The following BIN1 variants were observed in gnomAD, a reference collection of about 807,000 sequenced individuals.
The protein encoded by BIN1 is myc box-dependent-interacting protein 1.
A neutral mutation model predicts 82.0 loss-of-function variants in BIN1; 53 were observed. The ratio of observed to expected loss-of-function variants is 0.65; its 90% CI spans 0.52 to 0.81. BIN1 has a LOEUF of 0.81. Ranked by LOEUF, BIN1 falls within the 40% of genes least tolerant of loss-of-function variation. The probability of loss-of-function intolerance (pLI) is 0.00; values close to 1 mark genes in which losing one functional copy is unlikely to be tolerated. For synonymous variants in BIN1, 302 were observed against 328.0 expected (o/e 0.92, Z 0.86); for missense variants, 642 against 784.4 (o/e 0.82, Z 2.17).
intron 14 of BIN1, 125 bp downstream of exon 14, chr2:127,053,279 CGTGAGCACGTGCCTGTGT>C: frequency 8.1e-7 from 1 of 1,232,324 alleles, no homozygotes; most frequent in South Asian, 1.3e-5. Flanking sequence ...GCTCCCTGTG[CGTGAGCACGTGCCTGTGT>C]GTCCTGCGTG....
intron 1 of BIN1, among the ~76,000 whole-genome samples, chr2:127,095,614 C>T (rs917507874): frequency 2.6e-5 from 4 of 152,180 alleles, no homozygotes; most frequent in Non-Finnish European, 5.9e-5. Context: ...CTCTTCTTAC[C>T]ACCTCCTTCC....
intron 7 of BIN1, among the ~76,000 whole-genome samples, chr2:127,064,395 A>G (rs377210882): frequency 2.6e-5 from 4 of 152,086 alleles, no homozygotes; most frequent in Non-Finnish European, 4.4e-5. Context: ...CACTTCCACA[A>G]TGAACCTCCT....
chr2:127,050,761 G>A (rs748813574), intron 17 of BIN1, 41 bp downstream of exon 17: 1 of 1,597,176 alleles, frequency 6.3e-7, no homozygotes, highest in Non-Finnish European at 8.6e-7. Flanking sequence ...CTGCCCACCA[G>A]GGCACCGAGG....
chr2:127,080,123 C>T (rs116659227), intron 1 of BIN1, among the ~76,000 whole-genome samples: 2,340 of 152,348 alleles, frequency 0.015, 22 homozygotes, highest in Non-Finnish European at 0.022. Context: ...CATGAGGGAA[C>T]GCAGGCAAGT....
Position 127,059,172 on chromosome 2 carries a change from G to T in BIN1, c.858-17C>A. On this transcript the variant is annotated splice_polypyrimidine_tract_variant and intron_variant, in intron 10 of 18. Transcript: ENST00000316724. The surrounding 1 kb of genome is among the most constrained non-coding windows in gnomAD (Gnocchi z 6.7). Reference sequence around the variant, plus strand: ...GCGTTGTCACTGTGGGGGAGGACAAGAAAGGGAGCCCAGTGTTGGGGGGCC... The same window carrying T: ...GCGTTGTCACTGTGGGGGAGGACAATAAAGGGAGCCCAGTGTTGGGGGGCC... The T allele has an allele frequency of 6.4e-7, 1 of 1,563,320 alleles. No individual in the cohort carries two copies. Among genetic ancestry groups the T allele is most frequent in the African/African-American group, 1.4e-5 (1 of 73,924 alleles).
chr2:127,076,733 A>G lies in BIN1; in HGVS notation c.85-27T>C, dbSNP rs1686663975. The G allele has an allele frequency of 2.5e-6, 4 of 1,613,318 alleles. No individual in the cohort carries two copies. In the African/African-American group the frequency reaches 4.0e-5, roughly 16 times the overall value. ...TGCCGAAGCCAAGAGAGAAGGGGAG[A>G]GTGTTACCTTGGAAAGGAGAGTGGT... On this transcript the variant is annotated intron_variant, in intron 1 of 18. Transcript: ENST00000316724.
intron 1 of BIN1, among the ~76,000 whole-genome samples, chr2:127,105,098 T>A (rs1680867633): frequency 6.6e-6 from 1 of 152,062 alleles, no homozygotes; most frequent in African/African-American, 2.4e-5. Flanking sequence ...CAGTGATACA[T>A]CACCACCTCC....
rs114068033 is a variant in BIN1, at chr2:127,065,247, G to A, written c.613-1229C>T. ...CCTCCAGCTACTCGCTAGAGTGGGC[G>A]TGGGCTCCTTGCCTGGCTTTTCAGA... On this transcript the variant is annotated intron_variant, in intron 7 of 18. Transcript: ENST00000316724. Among the ~76,000 whole-genome samples, 285 of 152,288 alleles carry A rather than the reference G, an allele frequency of 1.9e-3. 2 individuals are homozygous for A. The highest frequency in any genetic ancestry group is 6.6e-3 in the African/African-American group (276 of 41,562).
At position 127,059,097 on chromosome 2, in the gene BIN1, C is replaced by G; in HGVS notation, c.916G>C (p.Ala306Pro). 6.3e-7 allele frequency: 1 copy of G among 1,593,070 alleles called. No homozygotes were observed. Among genetic ancestry groups the G allele is most frequent in the East Asian group, 2.3e-5 (1 of 44,118 alleles). ...TGGTTGACTCTGATCTCGGGGGTGG[C>G]GGCAGGGGAGCCATCTGGAGGCGAA... ...SPSPPDGSPA[A>P]TPEIRVNHEP... The change falls in exon 11 of 19, where the codon GCC (alanine) becomes CCC (proline). Residue 306 changes from alanine (A) to proline (P), a missense_variant. By Grantham distance (27) the Ala-to-Pro change is conservative. Transcript: ENST00000316724. The surrounding 1 kb of genome is among the most constrained non-coding windows in gnomAD (Gnocchi z 6.7).
chr2:127,053,176 G>A (rs1683180042), intron 14 of BIN1: 1 of 595,774 alleles, frequency 1.7e-6, no homozygotes, highest in Non-Finnish European at 3.0e-6. Context: ...GATCTCAGGG[G>A]ACCCCTGTCT....
chr2:127,073,081 G>GT (rs1686116296), intron 2 of BIN1, among the ~76,000 whole-genome samples: 1 of 152,226 alleles, frequency 6.6e-6, no homozygotes, highest in Admixed American at 6.5e-5. Flanking sequence ...CCGGGCTTCA[G>GT]GCCGTACCAG....
rs1262858892 is a variant in BIN1, at chr2:127,059,823, G to A, written c.858-668C>T. Among the ~76,000 whole-genome samples the A allele has an allele frequency of 6.6e-6, 1 of 152,192 alleles. No homozygotes were observed. On this transcript the variant is annotated intron_variant, in intron 10 of 18. Transcript: ENST00000316724. The surrounding 1 kb of genome is among the most constrained non-coding windows in gnomAD (Gnocchi z 6.7). ...TGCCAGAACCCAAGGCGGAGGTGGT[G>A]TGATGCTGTGCACCCCAGGCACAGG...
intron 1 of BIN1, chr2:127,081,963 C>A (rs970533039): frequency 2.6e-6 from 3 of 1,155,724 alleles, no homozygotes; most frequent in South Asian, 2.9e-5. Context: ...CCTCGTGCCC[C>A]GGCGTTCTCA....
intron 10 of BIN1, among the ~76,000 whole-genome samples, chr2:127,060,388 C>T (rs961861522): frequency 6.6e-6 from 1 of 152,214 alleles, no homozygotes; most frequent in Non-Finnish European, 1.5e-5. Flanking sequence ...GAGGAACGTG[C>T]TAAATGCAGC....
chr2:127,106,338 G>T (rs2105374430), intron 1 of BIN1, among the ~76,000 whole-genome samples: 1 of 152,364 alleles, frequency 6.6e-6, no homozygotes, highest in Non-Finnish European at 1.5e-5. Flanking sequence ...CGAAAGTGGA[G>T]AAGCAGTGGG....
In BIN1 at chr2:127,068,248, G is replaced by A. The variant is rs776075897; in HGVS notation, c.527C>T (p.Ser176Leu). ...CTGGGGGGCGGCTTTCTCAAGCAGC[G>A]AGACAGGCTGGGGTGGGGAGGTCAA... ...KDEAKIAKPV[S>L]LLEKAAPQWC... is the part of the protein sequence containing the mutation. The change falls in exon 7 of 19, where the codon TCG becomes TTG. Residue 176 changes from serine (S) to leucine (L), a missense_variant. Ser to Leu is a moderately radical substitution (Grantham distance 145, BLOSUM62 -2). Transcript: ENST00000316724. This position sits in a 1 kb window ranked among gnomAD's most constrained non-coding sequence, Gnocchi z 4.9. 10 of 1,612,348 alleles carry A rather than the reference G, an allele frequency of 6.2e-6. No individual in the cohort carries two copies. The highest frequency in any genetic ancestry group is 1.6e-4 in the Middle Eastern group (1 of 6,084).
intron 12 of BIN1, chr2:127,054,438 G>C (rs1467821981): frequency 4.1e-6 from 1 of 246,828 alleles, no homozygotes; most frequent in Admixed American, 5.0e-5. Context: ...TGCTGATCTT[G>C]CTACCCCCCA....
chr2:127,083,433 A>G (rs1419236759), intron 1 of BIN1, among the ~76,000 whole-genome samples: 1 of 152,232 alleles, frequency 6.6e-6, no homozygotes, highest in Non-Finnish European at 1.5e-5. Flanking sequence ...CCCAGCCAAC[A>G]GAAGGTAAGC....
At position 127,090,692 on chromosome 2, in the gene BIN1, G is replaced by C. The variant is rs1358921485; in HGVS notation, c.85-13986C>G. ...CAGCCCCAGCCAGGGCACAGCTGTG[G>C]GTGGGGGGCGGTGGCAGCTCCCCAG... On this transcript the variant is annotated intron_variant, in intron 1 of 18. Transcript: ENST00000316724. The surrounding 1 kb of genome is among the most constrained non-coding windows in gnomAD (Gnocchi z 6.4). 6.6e-6 allele frequency among the ~76,000 whole-genome samples: 1 copy of C among 152,202 alleles called. No homozygotes were observed. The highest frequency in any genetic ancestry group is 2.4e-5 in the African/African-American group (1 of 41,438).
Sources: gnomAD v4.1 joint callset for allele counts (sites outside exome capture counted in the v4.1 genomes callset) on GRCh38, gnomAD v4.1.1 for gene constraint, Gnocchi (gnomAD v3.1) non-coding constraint, MANE v1.5 for transcripts, NCBI Gene and HGNC (gene_info 2026-07-23, HGNC 2026-07-21) for gene names.